OTUD3: variants seen among roughly 807,000 people sequenced by gnomAD.
OTUD3 encodes the protein OTU domain-containing protein 3.
In OTUD3, 24 loss-of-function variants were observed where a neutral mutation model predicts 46.2. The observed-to-expected ratio is 0.52, with a 90% CI of 0.38 to 0.73. The LOEUF is 0.73. Among genes scored for constraint, OTUD3 ranks in the 30% least tolerant of loss-of-function variants. The pLI is 0.00. For missense variants in OTUD3, 455 were observed against 523.3 expected (o/e 0.87, Z 1.27); for synonymous variants, 189 against 195.4 (o/e 0.97, Z 0.27).
chr1:19,906,711 C>G (rs1315536230), intron 7 of OTUD3, 95 bp downstream of exon 7: 2 of 1,167,332 alleles, frequency 1.7e-6, no homozygotes, highest in East Asian at 2.6e-5. Flanking sequence ...TATTTTCCTT[C>G]TGATTTATAA....
chr1:19,903,407 A>G (rs2045618801), intron 4 of OTUD3, among the ~76,000 whole-genome samples: 1 of 152,160 alleles, frequency 6.6e-6, no homozygotes, highest in Non-Finnish European at 1.5e-5. Flanking sequence ...CAAAACTGTG[A>G]AACTACCGGC....
At chr1:19,905,167 G>A (rs1001989862) in intron 6 of OTUD3, among the ~76,000 whole-genome samples, 180 bp downstream of exon 6, 1 of 152,106 alleles carries the variant, frequency 6.6e-6, no homozygotes, top group Non-Finnish European at 1.5e-5. Context: ...TTCAGGGGGA[G>A]TATAGTTCAG....
At chr1:19,893,525 G>C (rs1232872511) in intron 2 of OTUD3, among the ~76,000 whole-genome samples, 1 of 152,176 alleles carries the variant, frequency 6.6e-6, no homozygotes, top group Non-Finnish European at 1.5e-5. Flanking sequence ...TTGGTGTCCA[G>C]AGGTTTTTGT....
In OTUD3 at chr1:19,883,663, A is replaced by T. The variant is rs200644499; in HGVS notation, c.221+929A>T. Among the ~76,000 whole-genome samples, 151 of 66,590 alleles carry T rather than the reference A, an allele frequency of 2.3e-3. 6 individuals carry two copies. In the East Asian group the frequency reaches 0.041, roughly 18 times the overall value. The allele number at this position is 66,590 out of a possible 152,430, so 43.7% of individuals were successfully genotyped here. ...TAGTTCATTATTATTGTTATTTTGTAGAGACGGTGATTTTGCTGTGTTGCC... is the reference window on the plus strand; with the variant it reads ...TAGTTCATTATTATTGTTATTTTGTTGAGACGGTGATTTTGCTGTGTTGCC... On this transcript the variant is annotated intron_variant, in intron 1 of 7. Coordinates refer to ENST00000375120, the MANE Select transcript of OTUD3 (RefSeq NM_015207.2).
intron 4 of OTUD3, 96 bp from the exon 5 acceptor site, chr1:19,904,171 A>G (rs2045627082): frequency 1.1e-6 from 1 of 908,712 alleles, no homozygotes; most frequent in Middle Eastern, 3.2e-4. Context: ...TCCCCTATAT[A>G]TATGAATTTT....
chr1:19,900,421 C>T (rs2100299231), intron 4 of OTUD3, among the ~76,000 whole-genome samples: 1 of 152,126 alleles, frequency 6.6e-6, no homozygotes, highest in South Asian at 2.1e-4. Context: ...AACTCCTGGA[C>T]TCAAGCAACC....
intron 2 of OTUD3, 106 bp from the exon 3 acceptor site, chr1:19,894,262 T>C (rs987023127): frequency 1.1e-5 from 7 of 615,390 alleles, no homozygotes; most frequent in Non-Finnish European, 2.0e-5. Flanking sequence ...TTCTCAGATA[T>C]ATATCGTTGT....
intron 1 of OTUD3, among the ~76,000 whole-genome samples, chr1:19,886,180 A>G (rs971704149): frequency 1.3e-5 from 2 of 152,218 alleles, no homozygotes; most frequent in Non-Finnish European, 2.9e-5. Context: ...ATGATTGGCT[A>G]TAGTGTGAAA....
rs756387748 is a variant in OTUD3 at position 19,890,511 on chromosome 1, T to C, written c.348T>C (p.Asp116=). 2 of 1,613,768 alleles carry C rather than the reference T, an allele frequency of 1.2e-6. No individual in the cohort carries two copies. The highest frequency in any genetic ancestry group is 4.5e-5 in the East Asian group (2 of 44,900). Residue 116 remains aspartate (D), a synonymous_variant, in exon 2 of 8, where the codon GAT becomes GAC. Coordinates refer to ENST00000375120, the MANE Select transcript of OTUD3 (RefSeq NM_015207.2). ...QREDFEPFVE[D]DIPFEKHVAS... ...AAGATTTTGAACCCTTTGTAGAAGA[T>C]GACATTCCTTTTGAGAAGCATGGTA...
At chr1:19,883,441 G>A (rs1354914548) in intron 1 of OTUD3, among the ~76,000 whole-genome samples, 1 of 152,180 alleles carries the variant, frequency 6.6e-6, no homozygotes, top group Non-Finnish European at 1.5e-5. Flanking sequence ...AGAAGGAAAA[G>A]GGTCAGGAAG....
intron 4 of OTUD3, among the ~76,000 whole-genome samples, chr1:19,898,074 T>G (rs967703635): frequency 2.0e-5 from 3 of 151,506 alleles, no homozygotes; most frequent in African/African-American, 7.3e-5. Context: ...TCAGCCTCCC[T>G]AGTAGCTGGG....
intron 4 of OTUD3, among the ~76,000 whole-genome samples, chr1:19,901,968 T>C (rs1318232794): frequency 6.6e-6 from 1 of 152,262 alleles, no homozygotes; most frequent in Admixed American, 6.5e-5. Context: ...ATAGTGCTGC[T>C]GTGAGTATAT....
Position 19,882,477 on chromosome 1 carries a change from CT to C in OTUD3, c.-34del. The C allele has an allele frequency of 7.4e-7, 1 of 1,344,228 alleles. No individual in the cohort carries two copies. 83.3% of individuals were successfully genotyped at this position (1,344,228 alleles called of 1,614,324 possible). A position where few individuals can be genotyped will look rare whatever the true frequency, so the allele number is the denominator to read the frequency against. ...AGGCGGACGCTGGGGGGTCCTGCGC[CT>C]TTCCCTCCTGCCGCTGGGGACTGCA... On this transcript the variant is annotated 5_prime_UTR_variant, in exon 1 of 8. Coordinates refer to ENST00000375120, the MANE Select transcript of OTUD3 (RefSeq NM_015207.2).
chr1:19,898,311 A>G (rs2045543469), intron 4 of OTUD3, among the ~76,000 whole-genome samples: 1 of 152,240 alleles, frequency 6.6e-6, no homozygotes. Context: ...AATAAAAAGC[A>G]TGTAAAGTCA....
rs1463563969 is a variant in OTUD3, at chr1:19,890,544, T to G, written c.370+11T>G. On this transcript the variant is annotated intron_variant, in intron 2 of 7. Transcript: ENST00000375120. ...CTTTTGAGAAGCATGGTAGGTTCACTGTGGGACATTGTGTCCTTCAGGAGT... is the reference window on the plus strand; with the variant it reads ...CTTTTGAGAAGCATGGTAGGTTCACGGTGGGACATTGTGTCCTTCAGGAGT... 6.2e-7 allele frequency: 1 copy of G among 1,612,626 alleles called. No individual in the cohort carries two copies.
chr1:19,910,949 C>G lies in OTUD3; in HGVS notation c.*3203C>G, dbSNP rs1323080642. The G allele has an allele frequency of 6.6e-6, 1 of 152,374 alleles. No individual in the cohort carries two copies. Among genetic ancestry groups the G allele is most frequent in the Non-Finnish European group, 1.5e-5 (1 of 68,066 alleles). The allele number at this position is 152,374 out of a possible 1,614,324, so 9.4% of individuals were successfully genotyped here. ...TCCCTGTAGTCAATGTGCAATTTCT[C>G]TAATTCTGAGAAACTCTGTAGACTC... On this transcript the variant is annotated 3_prime_UTR_variant, in exon 8 of 8. Transcript: ENST00000375120.
At chr1:19,884,935 T>C (rs1029933106) in intron 1 of OTUD3, among the ~76,000 whole-genome samples, 6 of 152,196 alleles carry the variant, frequency 3.9e-5, no homozygotes, top group African/African-American at 1.4e-4. Flanking sequence ...CTCTATGAAT[T>C]GGCCAGGAAG....
chr1:19,894,343 A>G (rs2045488295), intron 2 of OTUD3, 25 bp from the exon 3 acceptor site: 1 of 1,414,536 alleles, frequency 7.1e-7, no homozygotes, highest in South Asian at 1.2e-5. Context: ...TAAAGACGTC[A>G]TTTTTCTTTC....
rs1415617984 is a variant in OTUD3 at position 19,904,900 on chromosome 1, T to G, written c.748T>G (p.Leu250Val). 1.3e-6 allele frequency: 2 copies of G among 1,530,172 alleles called. No individual in the cohort carries two copies. Among genetic ancestry groups the G allele is most frequent in the Non-Finnish European group, 1.8e-6 (2 of 1,113,670 alleles). 94.8% of individuals were successfully genotyped at this position (1,530,172 alleles called of 1,614,324 possible). A position where few individuals can be genotyped will look rare whatever the true frequency, so the allele number is the denominator to read the frequency against. ...CNATGCSDFN[L>V]IVQNLEAENY... ...TTTGTTTCTTGGATAGGATTTTAAT[T>G]TAATAGTCCAGAACCTGGAAGCTGA... The change falls in exon 6 of 8, where the codon TTA becomes GTA. Residue 250 changes from leucine to valine, a missense_variant. Coordinates refer to ENST00000375120, the MANE Select transcript of OTUD3 (RefSeq NM_015207.2).
Sources: allele counts gnomAD v4.1 joint callset (sites outside exome capture counted in the v4.1 genomes callset), GRCh38; gene constraint gnomAD v4.1.1; transcripts MANE v1.5; gene names NCBI Gene and HGNC (gene_info 2026-07-23, HGNC 2026-07-21).